LRRC4C: variants seen among roughly 807,000 people sequenced by gnomAD.
LRRC4C encodes the protein leucine rich repeat containing 4C.
A neutral mutation model predicts 33.6 loss-of-function variants in LRRC4C; 5 were observed. The observed-to-expected ratio is 0.15, with a 90% CI of 0.08 to 0.31. The LOEUF (loss-of-function observed/expected upper bound fraction) is 0.31. Ranked by LOEUF, LRRC4C falls within the 10% of genes least tolerant of loss-of-function variation. The probability of loss-of-function intolerance (pLI) is 1.00; values close to 1 mark genes in which losing one functional copy is unlikely to be tolerated. For synonymous variants in LRRC4C, 329 were observed against 302.0 expected (o/e 1.09, Z -0.93); for missense variants, 560 against 796.7 (o/e 0.70, Z 3.58).
intron 3 of LRRC4C, among the ~76,000 whole-genome samples, chr11:40,590,744 G>A (rs1230361048): frequency 3.9e-5 from 6 of 152,324 alleles, no homozygotes; most frequent in South Asian, 2.1e-4. Context: ...GCCATGTGAG[G>A]TGTCAGTGTG....
chr11:40,286,101 A>G (rs894754318), intron 4 of LRRC4C, among the ~76,000 whole-genome samples: 1 of 152,208 alleles, frequency 6.6e-6, no homozygotes, highest in African/African-American at 2.4e-5. Flanking sequence ...ACATTCCGTG[A>G]TCCCAAGTGG....
At chr11:41,376,320 T>C (rs536174093) in intron 1 of LRRC4C, among the ~76,000 whole-genome samples, 83 of 152,058 alleles carry the variant, frequency 5.5e-4, no homozygotes, top group Non-Finnish European at 1.1e-3. Context: ...GTAGAAAAAA[T>C]AACTAGCAAG....
chr11:40,213,289 C>T (rs372717892), intron 5 of LRRC4C, among the ~76,000 whole-genome samples: 1 of 152,076 alleles, frequency 6.6e-6, no homozygotes, highest in Non-Finnish European at 1.5e-5. Flanking sequence ...TTTTGGTCTT[C>T]TTCTTCATGT....
intron 3 of LRRC4C, among the ~76,000 whole-genome samples, chr11:40,596,668 T>TA (rs1217655628): frequency 2.0e-5 from 3 of 151,962 alleles, no homozygotes; most frequent in Non-Finnish European, 4.4e-5. Flanking sequence ...TGGGTTCAAT[T>TA]AAAAAAAATT....
chr11:40,896,858 A>G (rs1955967251), intron 2 of LRRC4C, among the ~76,000 whole-genome samples: 1 of 152,210 alleles, frequency 6.6e-6, no homozygotes, highest in Non-Finnish European at 1.5e-5. Flanking sequence ...GTATTAAAGC[A>G]TGCCACCTCA....
At chr11:41,112,599 C>T (rs1312194584) in intron 1 of LRRC4C, among the ~76,000 whole-genome samples, 1 of 151,972 alleles carries the variant, frequency 6.6e-6, no homozygotes, top group Non-Finnish European at 1.5e-5. Context: ...AACAAATGCA[C>T]TTCTGTTTTT....
At chr11:40,825,542 A>C (rs896634943) in intron 2 of LRRC4C, among the ~76,000 whole-genome samples, 8 of 151,958 alleles carry the variant, frequency 5.3e-5, no homozygotes, top group Non-Finnish European at 1.2e-4. Context: ...TATAACAATA[A>C]GGTAAAAGTC....
chr11:40,628,461 G>C lies in LRRC4C; in HGVS notation c.-270+19681C>G, dbSNP rs374958073. On this transcript the variant is annotated intron_variant, in intron 3 of 6. Coordinates refer to ENST00000528697, the MANE Select transcript of LRRC4C (RefSeq NM_001258419.2). The stretch of plus-strand genomic sequence containing the variant: ...CCACTGCACTCCAGCCTGGGCGACA[G>C]AGCGAGACTCCATCTCAAAAAAACA... Among the ~76,000 whole-genome samples the C allele has an allele frequency of 3.3e-5, 5 of 151,472 alleles. No homozygotes were observed. The East Asian group carries it at 7.8e-4, about 23-fold the overall frequency.
rs531575608 is a variant in LRRC4C, at chr11:41,290,449, C to T, written c.-496+168982G>A. On this transcript the variant is annotated intron_variant, in intron 1 of 6. Transcript: ENST00000528697. ...GTGTTGTAGGGTCTCTGATGGGGGCCTCCATTCTAGAAATATACAAAATCC... is the reference window on the plus strand; with the variant it reads ...GTGTTGTAGGGTCTCTGATGGGGGCTTCCATTCTAGAAATATACAAAATCC... Among the ~76,000 whole-genome samples the T allele has an allele frequency of 7.2e-5, 11 of 152,224 alleles. No homozygotes were observed. In the South Asian group the frequency reaches 2.3e-3, roughly 32 times the overall value.
intron 5 of LRRC4C, among the ~76,000 whole-genome samples, chr11:40,155,324 C>T (rs1858594055): frequency 6.6e-6 from 1 of 151,650 alleles, no homozygotes; most frequent in South Asian, 2.1e-4. Flanking sequence ...ACAAACAAAA[C>T]CCAAACCCAA....
At chr11:40,589,476 C>T (rs1274179146) in intron 3 of LRRC4C, among the ~76,000 whole-genome samples, 1 of 151,492 alleles carries the variant, frequency 6.6e-6, no homozygotes, top group African/African-American at 2.4e-5. Context: ...AGTCCATTTA[C>T]ATTTAAAGTT....
intron 2 of LRRC4C, among the ~76,000 whole-genome samples, chr11:40,893,588 T>C (rs1171356064): frequency 6.6e-6 from 1 of 152,000 alleles, no homozygotes; most frequent in African/African-American, 2.4e-5. Context: ...AAAGGAAAAC[T>C]ATGAAGAGAC....
chr11:41,249,019 C>A (rs1355109381), intron 1 of LRRC4C, among the ~76,000 whole-genome samples: 1 of 151,300 alleles, frequency 6.6e-6, no homozygotes, highest in East Asian at 1.9e-4. Flanking sequence ...TGTTATCTCC[C>A]TGGTTTAAGA....
intron 2 of LRRC4C, among the ~76,000 whole-genome samples, chr11:40,929,020 C>A (rs768383529): frequency 3.3e-5 from 5 of 151,976 alleles, no homozygotes; most frequent in Non-Finnish European, 7.4e-5. Context: ...CCTCTAATAC[C>A]AATATTAAAA....
chr11:41,456,550 C>A (rs1956177065), intron 1 of LRRC4C, among the ~76,000 whole-genome samples: 1 of 152,102 alleles, frequency 6.6e-6, no homozygotes, highest in African/African-American at 2.4e-5. Flanking sequence ...AAAGGCCTGA[C>A]AAATGGAGAA....
At chr11:40,973,243 C>A (rs1449430905) in intron 1 of LRRC4C, among the ~76,000 whole-genome samples, 1 of 151,958 alleles carries the variant, frequency 6.6e-6, no homozygotes. Context: ...CTAGTTATGT[C>A]TCCACTGAAG....
Position 41,331,389 on chromosome 11 carries a change from C to G in LRRC4C, c.-496+128042G>C, listed in dbSNP as rs74367296. The stretch of plus-strand genomic sequence containing the variant: ...TGATTAAAGAAACCACACTTGGCAT[C>G]TGCCACCGACAAAGAAACCTAACCA... On this transcript the variant is annotated intron_variant, in intron 1 of 6. Coordinates refer to ENST00000528697, the MANE Select transcript of LRRC4C (RefSeq NM_001258419.2). Among the ~76,000 whole-genome samples, 560 of 152,312 alleles carry G rather than the reference C, an allele frequency of 3.7e-3. 3 individuals are homozygous for G. The highest frequency in any genetic ancestry group is 0.013 in the African/African-American group (520 of 41,556).
intron 1 of LRRC4C, among the ~76,000 whole-genome samples, chr11:41,391,168 G>T (rs958224092): frequency 3.3e-5 from 5 of 151,720 alleles, no homozygotes; most frequent in Non-Finnish European, 1.5e-5. Context: ...TATAAATTTG[G>T]TTTAAGGTAA....
chr11:40,149,443 G>C lies in LRRC4C; in HGVS notation c.-95-8590C>G, dbSNP rs1011604024. Among the ~76,000 whole-genome samples the C allele has an allele frequency of 2.0e-5, 3 of 151,844 alleles. No individual in the cohort carries two copies. The East Asian group carries it at 5.8e-4, about 29-fold the overall frequency. ...ATTCCTGGTATTTTATTCTTTTTGT[G>C]GTAATTGTGAATGGGATTATGTTCC... On this transcript the variant is annotated intron_variant, in intron 5 of 6. Transcript: ENST00000528697.
Sources: allele counts gnomAD v4.1 joint callset (sites outside exome capture counted in the v4.1 genomes callset), GRCh38; gene constraint gnomAD v4.1.1; transcripts MANE v1.5; gene names NCBI Gene and HGNC (gene_info 2026-07-23, HGNC 2026-07-21).